Variants in MRPL34 observed in about 807,000 individuals in gnomAD.
MRPL34 encodes the protein large ribosomal subunit protein bL34m.
Under a neutral mutation model 6.7 loss-of-function variants are expected in MRPL34, and 8 were observed. The ratio of observed to expected loss-of-function variants is 1.20; its 90% CI spans 0.70 to 2.16. MRPL34 has a LOEUF of 2.16. MRPL34 is among the 30% of genes most tolerant of loss of function. The pLI is 0.00. For missense variants in MRPL34, 146 were observed against 125.5 expected, an observed-to-expected ratio of 1.16 and a Z score of -0.78; for synonymous variants, 59 against 55.1, an observed-to-expected ratio of 1.07 and a Z score of -0.31.
upstream of MRPL34, chr19:17,303,376 TGGCGGTCA>T (rs2145662874): frequency 1.3e-5 from 2 of 152,362 alleles, no homozygotes; most frequent in South Asian, 4.1e-4. Flanking sequence ...CACCTGCCCC[TGGCGGTCA>T]GCGCAGGGGC....
At chr19:17,299,108 A>T (rs911395180), upstream of MRPL34, among the ~76,000 whole-genome samples, 2 of 152,040 alleles carry the variant, frequency 1.3e-5, no homozygotes, top group African/African-American at 2.4e-5. Context: ...GTCTGATTAC[A>T]TATGCTAATG....
In MRPL34 at chr19:17,305,881, C is replaced by T; in HGVS notation, c.-12C>T. The T allele has an allele frequency of 2.5e-6, 4 of 1,613,964 alleles. No individual in the cohort carries two copies. Among genetic ancestry groups the T allele is most frequent in the Non-Finnish European group, 3.4e-6 (4 of 1,179,882 alleles). ...ATCGCCCGCAGCCGGTACTGCGGGA[C>T]CCACTGCGGATATGGCTGTCTTGGC... On this transcript the variant is annotated 5_prime_UTR_variant, in exon 1 of 2. Transcript: ENST00000252602.
intron 1 of MRPL34, chr19:17,294,545 C>T (rs1423903325): frequency 1.2e-6 from 2 of 1,612,308 alleles, no homozygotes; most frequent in South Asian, 2.2e-5. Context: ...CTTATGCCAG[C>T]CCGACTGCCG....
chr19:17,292,685 C>T, exon 1 of MRPL34: 1 of 1,611,646 alleles, frequency 6.2e-7, no homozygotes, highest in African/African-American at 1.3e-5. Flanking sequence ...CTGGAGGCGC[C>T]GGCAGTGGCT....
At chr19:17,294,624 G>T in intron 1 of MRPL34, 1 of 1,608,414 alleles carries the variant, frequency 6.2e-7, no homozygotes, top group Non-Finnish European at 8.5e-7. Flanking sequence ...TCGAGCAGAT[G>T]CCTGGGTTCG....
rs368241424 is a variant in MRPL34, at chr19:17,297,066, T to C, written c.214+4212T>C. The stretch of plus-strand genomic sequence containing the variant: ...CTGTATGGCCTGCAAACCTAAAATA[T>C]TCGCTATCCGATCCTTTAAGGAAAT... On this transcript the variant is annotated intron_variant, in intron 1 of 2. Transcript: ENST00000595444. 2.1e-4 allele frequency among the ~76,000 whole-genome samples: 32 copies of C among 152,346 alleles called. 1 individual carries two copies. The East Asian group carries it at 5.8e-3, about 28-fold the overall frequency.
At chr19:17,303,597 G>C (rs756026338), upstream of MRPL34, 3 of 152,402 alleles carry the variant, frequency 2.0e-5, no homozygotes, top group Non-Finnish European at 2.9e-5. Flanking sequence ...CACCGAGGTT[G>C]GGGGAGGGAT....
upstream of MRPL34, chr19:17,301,746 A>C: frequency 3.7e-5 from 44 of 1,178,884 alleles, no homozygotes; most frequent in Non-Finnish European, 4.3e-5. Flanking sequence ...GCGCCAGATC[A>C]AGTGAGCCAC....
At chr19:17,295,945 A>C (rs1413190644) in intron 1 of MRPL34, among the ~76,000 whole-genome samples, 1 of 152,154 alleles carries the variant, frequency 6.6e-6, no homozygotes, top group African/African-American at 2.4e-5. Context: ...TCCTGGGCTC[A>C]AGTGATCCTC....
upstream of MRPL34, among the ~76,000 whole-genome samples, chr19:17,299,722 A>AAT (rs2074109015): frequency 6.6e-6 from 1 of 151,954 alleles, no homozygotes; most frequent in African/African-American, 2.4e-5. Flanking sequence ...AGAAAAAAAA[A>AAT]TTTTAAAAAT....
At chr19:17,305,729 C>T (rs1353338935), upstream of MRPL34, 2 of 737,862 alleles carry the variant, frequency 2.7e-6, no homozygotes, top group Non-Finnish European at 4.7e-6. Context: ...GACTGGCGCG[C>T]CTCTGTTGCG....
chr19:17,294,393 G>T (rs556911878), intron 1 of MRPL34: 1 of 1,614,032 alleles, frequency 6.2e-7, no homozygotes, highest in Admixed American at 1.7e-5. Flanking sequence ...CGTCGCCCTC[G>T]GGCCAGTACT....
At chr19:17,292,985 C>A (rs976938996) in intron 1 of MRPL34, 5 of 839,620 alleles carry the variant, frequency 6.0e-6, no homozygotes, top group Non-Finnish European at 8.7e-6. Flanking sequence ...CAAGGGGGAG[C>A]TGGAGGATGG....
At chr19:17,301,076 T>A (rs2074115217), upstream of MRPL34, 4 of 1,613,546 alleles carry the variant, frequency 2.5e-6, no homozygotes, top group Non-Finnish European at 3.4e-6. Context: ...ACACCATGGA[T>A]GAAAAAGAGC....
chr19:17,301,641 C>T (rs1471706166), upstream of MRPL34: 1 of 1,518,902 alleles, frequency 6.6e-7, no homozygotes, highest in African/African-American at 1.4e-5. Context: ...GTGAGGACAG[C>T]AGCCAGTTCA....
At chr19:17,297,286 G>GTT (rs374440171) in intron 1 of MRPL34, among the ~76,000 whole-genome samples, 2 of 151,696 alleles carry the variant, frequency 1.3e-5, no homozygotes, top group South Asian at 4.2e-4. Context: ...GTAGGTGGGT[G>GTT]TTTTTTTTGT....
At chr19:17,306,076 T>C (rs1417134378) in intron 1 of MRPL34, 90 bp from the exon 2 acceptor site, 6 of 1,519,386 alleles carry the variant, frequency 3.9e-6, no homozygotes, top group South Asian at 1.2e-5. Flanking sequence ...AGCCAGGCTC[T>C]GTCTCCGGGA....
In MRPL34 at chr19:17,306,485, C is replaced by T. The variant is rs2074149656; in HGVS notation, c.*106C>T. ...GCTGGGGAGCAGGAACGCCTCGGAC[C>T]TGAGTGCTCTCCATATTGTGGGGTT... On this transcript the variant is annotated 3_prime_UTR_variant, in exon 2 of 2. Coordinates refer to ENST00000252602, the MANE Select transcript of MRPL34 (RefSeq NM_023937.4). The T allele has an allele frequency of 9.9e-7, 1 of 1,006,182 alleles. No homozygotes were observed. The highest frequency in any genetic ancestry group is 1.7e-5 in the South Asian group (1 of 58,544). The allele number at this position is 1,006,182 out of a possible 1,614,324, so 62.3% of individuals were successfully genotyped here.
intron 1 of MRPL34, chr19:17,294,629 G>T: frequency 6.2e-7 from 1 of 1,608,984 alleles, no homozygotes; most frequent in Non-Finnish European, 8.5e-7. Context: ...CAGATGCCTG[G>T]GTTCGCCAGG....
Sources: allele counts gnomAD v4.1 joint callset (sites outside exome capture counted in the v4.1 genomes callset), GRCh38; gene constraint gnomAD v4.1.1; transcripts MANE v1.5; gene names NCBI Gene and HGNC (gene_info 2026-07-23, HGNC 2026-07-21).